The following KLF8 variants were observed in gnomAD, a reference collection of about 807,000 sequenced individuals.
The protein encoded by KLF8 is Krueppel-like factor 8.
In KLF8, 10 loss-of-function variants were observed where a neutral mutation model predicts 18.2. The observed-to-expected ratio is 0.55, with a 90% CI of 0.34 to 0.93. The LOEUF is 0.93. Ranked by LOEUF, KLF8 falls within the 40% of genes least tolerant of loss-of-function variation. The pLI is 0.02. For synonymous variants in KLF8, 109 were observed against 97.3 expected (o/e 1.12, Z -0.71); for missense variants, 264 against 277.9 (o/e 0.95, Z 0.36).
At chrX:56,230,866 G>T (rs2066395494), upstream of KLF8, among the ~76,000 whole-genome samples, 1 of 111,044 alleles carries the variant, frequency 9.0e-6, no homozygotes, top group African/African-American at 3.3e-5. Context: ...TGTGCCCCGA[G>T]GTAGAGAAGG....
chrX:56,070,830 T>A, the KLF8 span, among the ~76,000 whole-genome samples: 1 of 112,677 alleles, frequency 8.9e-6, no homozygotes, highest in South Asian at 3.6e-4. Context: ...TCTGAATGTA[T>A]CTAACTAAAT....
At chrX:56,187,348 C>T in the KLF8 span, among the ~76,000 whole-genome samples, 1 of 111,716 alleles carries the variant, frequency 9.0e-6, no homozygotes, top group African/African-American at 3.2e-5. Context: ...CTGCATAGAC[C>T]AATAACAGGC....
the KLF8 span, among the ~76,000 whole-genome samples, chrX:55,951,937 C>T: frequency 9.8e-5 from 11 of 111,726 alleles, no homozygotes; most frequent in South Asian, 7.6e-4. Context: ...CTGAAAATCA[C>T]GGCTTCAGAG....
At chrX:56,016,416 C>T in the KLF8 span, among the ~76,000 whole-genome samples, 21 of 111,861 alleles carry the variant, frequency 1.9e-4, no homozygotes, top group African/African-American at 6.2e-4. Flanking sequence ...AATGTAATAA[C>T]TCCTGGTGAT....
the KLF8 span, among the ~76,000 whole-genome samples, chrX:56,130,050 A>G: frequency 9.1e-6 from 1 of 110,138 alleles, no homozygotes; most frequent in African/African-American, 3.3e-5. Flanking sequence ...CTGAGCTCAG[A>G]CATGCCTAAC....
the KLF8 span, among the ~76,000 whole-genome samples, chrX:56,172,639 T>A: frequency 1.8e-5 from 2 of 111,823 alleles, no homozygotes; most frequent in African/African-American, 3.3e-5. Context: ...GATAGCTGGG[T>A]CAAATAGAAT....
chrX:56,139,462 C>G, the KLF8 span, among the ~76,000 whole-genome samples: 1 of 111,583 alleles, frequency 9.0e-6, no homozygotes, highest in East Asian at 2.8e-4. Context: ...AACACATAGA[C>G]TAATGGAACA....
chrX:56,201,768 C>T, the KLF8 span, among the ~76,000 whole-genome samples: 1 of 111,213 alleles, frequency 9.0e-6, no homozygotes, highest in East Asian at 2.8e-4. Flanking sequence ...AATCATACCT[C>T]AATAATGTGC....
At chrX:56,166,417 G>A in the KLF8 span, among the ~76,000 whole-genome samples, 3 of 111,816 alleles carry the variant, frequency 2.7e-5, no homozygotes, top group Admixed American at 9.6e-5. Flanking sequence ...ATCAGGACAA[G>A]TATCAATGCA....
chrX:55,927,290 G>C, the KLF8 span, among the ~76,000 whole-genome samples: 1 of 111,899 alleles, frequency 8.9e-6, no homozygotes, highest in African/African-American at 3.2e-5. Flanking sequence ...CTCCTCCGTT[G>C]TGACAATGAA....
At chrX:56,085,810 A>G in the KLF8 span, among the ~76,000 whole-genome samples, 3 of 112,232 alleles carry the variant, frequency 2.7e-5, no homozygotes, top group South Asian at 1.1e-3. Flanking sequence ...GAAGGACTTC[A>G]AGAAATATCT....
At chrX:56,009,761 C>A in the KLF8 span, among the ~76,000 whole-genome samples, 2 of 112,224 alleles carry the variant, frequency 1.8e-5, no homozygotes, top group Non-Finnish European at 3.8e-5. Flanking sequence ...TAGAGAAGAA[C>A]ATAAATGACC....
the KLF8 span, among the ~76,000 whole-genome samples, chrX:55,924,190 C>T: frequency 1.8e-5 from 2 of 111,358 alleles, no homozygotes; most frequent in Non-Finnish European, 3.8e-5. Context: ...CTGCCTCAGC[C>T]TCCCGAGTAG....
chrX:56,025,843 C>G, the KLF8 span, among the ~76,000 whole-genome samples: 2 of 111,783 alleles, frequency 1.8e-5, no homozygotes, highest in African/African-American at 6.5e-5. Flanking sequence ...TGTTCCTAGG[C>G]ACTCATAATA....
intron 5 of KLF8, among the ~76,000 whole-genome samples, chrX:56,275,608 A>G (rs1038469986): frequency 8.9e-6 from 1 of 111,912 alleles, no homozygotes; most frequent in Non-Finnish European, 1.9e-5. Flanking sequence ...GTTTTTCCCC[A>G]TTTAGTATGA....
chrX:56,184,863 A>T, the KLF8 span, among the ~76,000 whole-genome samples: 1 of 112,312 alleles, frequency 8.9e-6, no homozygotes, highest in African/African-American at 3.2e-5. Flanking sequence ...TCCACACCAA[A>T]AACCCATCTG....
chrX:56,047,344 C>T, the KLF8 span, among the ~76,000 whole-genome samples: 2 of 108,830 alleles, frequency 1.8e-5, no homozygotes, highest in African/African-American at 6.7e-5. Flanking sequence ...TATACATGTG[C>T]CATGTTGGTG....
chrX:56,284,759 T>TC lies in KLF8; in HGVS notation c.*272dup, dbSNP rs1053187653. The stretch of plus-strand genomic sequence containing the variant: ...TGTGGCACCCATGGCTGCCTTCCCA[T>TC]CCCCCCCTGCTCTGAAATAGGACAT... On this transcript the variant is annotated 3_prime_UTR_variant, in exon 6 of 6. Transcript: ENST00000468660. 5 of 268,215 alleles carry TC rather than the reference T, an allele frequency of 1.9e-5. No individual in the cohort carries two copies. Among genetic ancestry groups the TC allele is most frequent in the African/African-American group, 1.1e-4 (4 of 35,116 alleles). 22.1% of individuals were successfully genotyped at this position (268,215 alleles called of 1,213,427 possible).
the KLF8 span, among the ~76,000 whole-genome samples, chrX:56,159,792 G>T: frequency 1.8e-5 from 2 of 110,568 alleles, no homozygotes; most frequent in Non-Finnish European, 1.9e-5. Context: ...TTCTTTATTA[G>T]TCTTGGTAGT....
Sources: allele counts gnomAD v4.1 joint callset (sites outside exome capture counted in the v4.1 genomes callset), GRCh38; gene constraint gnomAD v4.1.1; transcripts MANE v1.5; gene names NCBI Gene and HGNC (gene_info 2026-07-23, HGNC 2026-07-21).